FRMD3: variants seen among roughly 807,000 people sequenced by gnomAD.
FRMD3 encodes the protein FERM domain containing 3.
A neutral mutation model predicts 70.2 loss-of-function variants in FRMD3; 33 were observed. The ratio of observed to expected loss-of-function variants is 0.47; its 90% confidence interval spans 0.36 to 0.63. The LOEUF (loss-of-function observed/expected upper bound fraction) is 0.63. Ranked by LOEUF, FRMD3 falls within the 20% of genes least tolerant of loss-of-function variation. The probability of loss-of-function intolerance (pLI) is 0.00; values close to 1 mark genes in which losing one functional copy is unlikely to be tolerated. For synonymous variants in FRMD3, 279 were observed against 255.9 expected (o/e 1.09, Z -0.86); for missense variants, 632 against 711.4 (o/e 0.89, Z 1.27).
chr9:83,552,411 G>C, the FRMD3 span, among the ~76,000 whole-genome samples: 1 of 152,152 alleles, frequency 6.6e-6, no homozygotes, highest in Non-Finnish European at 1.5e-5. Context: ...CAATTTAAGA[G>C]TATGTGTCAT....
intron 1 of FRMD3, among the ~76,000 whole-genome samples, chr9:83,450,370 T>TTA (rs60674885): frequency 0.041 from 4,958 of 120,476 alleles, 123 homozygotes; most frequent in Non-Finnish European, 0.048. Context: ...TTTTTTTTTT[T>TTA]ATTATACTCT....
chr9:83,246,635 A>C lies in FRMD3; in HGVS notation c.*1283T>G. On this transcript the variant is annotated 3_prime_UTR_variant, in exon 14 of 14. Coordinates refer to ENST00000304195, the MANE Select transcript of FRMD3 (RefSeq NM_174938.6). ...GATCATGGACATGTATCAAAAAGCC[A>C]TTCATATTCTCTCTCTCTCTCTCTC... 3.6e-5 allele frequency: 35 copies of C among 958,918 alleles called. No individual in the cohort carries two copies. Among genetic ancestry groups the C allele is most frequent in the Non-Finnish European group, 4.3e-5 (35 of 815,832 alleles). The allele number at this position is 958,918 out of a possible 1,614,324, so 59.4% of individuals were successfully genotyped here.
intron 1 of FRMD3, among the ~76,000 whole-genome samples, chr9:83,394,053 C>G (rs1239355504): frequency 6.6e-6 from 1 of 151,340 alleles, no homozygotes; most frequent in East Asian, 2.0e-4. Context: ...CTGATCTAAA[C>G]TGTGCCACCA....
chr9:83,566,785 G>T, the FRMD3 span, among the ~76,000 whole-genome samples: 11 of 152,348 alleles, frequency 7.2e-5, no homozygotes, highest in East Asian at 1.9e-3. Context: ...CAAGAAGTGG[G>T]TTCCCATGGT....
intron 6 of FRMD3, among the ~76,000 whole-genome samples, chr9:83,323,626 A>C (rs967924201): frequency 1.2e-4 from 18 of 152,200 alleles, no homozygotes; most frequent in African/African-American, 4.3e-4. Context: ...CACCAGATGC[A>C]GTCCCCAGAC....
chr9:83,513,293 A>C (rs568268462), intron 1 of FRMD3, among the ~76,000 whole-genome samples: 3 of 152,346 alleles, frequency 2.0e-5, no homozygotes, highest in African/African-American at 7.2e-5. Flanking sequence ...TCTGGAAGGA[A>C]AAAGGAAATT....
chr9:83,250,288 C>A (rs969380526), intron 13 of FRMD3, among the ~76,000 whole-genome samples: 5 of 152,098 alleles, frequency 3.3e-5, no homozygotes, highest in Non-Finnish European at 7.3e-5. Context: ...ATCTTTGCAA[C>A]CTGCGGATCA....
intron 1 of FRMD3, among the ~76,000 whole-genome samples, chr9:83,418,560 T>C (rs1480269421): frequency 6.6e-6 from 1 of 152,118 alleles, no homozygotes; most frequent in Non-Finnish European, 1.5e-5. Flanking sequence ...GGAATGCAGA[T>C]TAAAACCACA....
chr9:83,250,655 A>G (rs7041467), intron 13 of FRMD3, among the ~76,000 whole-genome samples: 19,092 of 152,184 alleles, frequency 0.13, 3,926 homozygotes, highest in African/African-American at 0.43. Flanking sequence ...TAGTTGACTC[A>G]GTTGCTCCAG....
intron 3 of FRMD3, among the ~76,000 whole-genome samples, chr9:83,365,411 T>A (rs1314704307): frequency 6.6e-6 from 1 of 152,232 alleles, no homozygotes; most frequent in Admixed American, 6.5e-5. Context: ...TTTTACTTGT[T>A]ATTGTTACTG....
intron 1 of FRMD3, among the ~76,000 whole-genome samples, chr9:83,455,826 T>A (rs371629949): frequency 4.6e-5 from 7 of 152,204 alleles, no homozygotes; most frequent in African/African-American, 1.4e-4. Flanking sequence ...AAATATTGCA[T>A]AGATTATATA....
chr9:83,446,987 GTTTTTGTTTTGTTT>G (rs1161343667), intron 1 of FRMD3, among the ~76,000 whole-genome samples: 3 of 139,186 alleles, frequency 2.2e-5, no homozygotes, highest in African/African-American at 8.6e-5. Flanking sequence ...GCAGATCAGG[GTTTTTGTTTTGTTT>G]TGTTTTGTTT....
intron 1 of FRMD3, among the ~76,000 whole-genome samples, chr9:83,509,094 C>T (rs1016382675): frequency 6.6e-6 from 1 of 151,698 alleles, no homozygotes; most frequent in African/African-American, 2.4e-5. Context: ...TTTTTGCCTC[C>T]CTTCAGGAGA....
At chr9:83,399,586 T>C (rs1197690605) in intron 1 of FRMD3, among the ~76,000 whole-genome samples, 7 of 152,206 alleles carry the variant, frequency 4.6e-5, no homozygotes, top group Non-Finnish European at 1.0e-4. Flanking sequence ...TTGAATCTTT[T>C]CTATGATTTT....
At chr9:83,520,101 C>A (rs560305562) in intron 1 of FRMD3, among the ~76,000 whole-genome samples, 2 of 152,036 alleles carry the variant, frequency 1.3e-5, no homozygotes, top group African/African-American at 4.8e-5. Context: ...ATGTAACAAA[C>A]CTGCACGTTC....
chr9:83,394,215 T>G (rs557703617), intron 1 of FRMD3, among the ~76,000 whole-genome samples: 3 of 152,272 alleles, frequency 2.0e-5, no homozygotes, highest in Non-Finnish European at 4.4e-5. Context: ...TCATCTTCCC[T>G]CAGGGTGGAA....
At chr9:83,355,098 G>T (rs1397616675) in intron 3 of FRMD3, among the ~76,000 whole-genome samples, 2 of 152,032 alleles carry the variant, frequency 1.3e-5, no homozygotes, top group South Asian at 4.2e-4. Flanking sequence ...TTACTCCCTG[G>T]GACATGTCCA....
chr9:83,389,732 C>G, intron 1 of FRMD3, 24 bp from the exon 2 acceptor site: 1 of 1,547,546 alleles, frequency 6.5e-7, no homozygotes, highest in Non-Finnish European at 8.9e-7. Flanking sequence ...ACATTTAAGT[C>G]TCAGCCAGAG....
Position 83,372,964 on chromosome 9 carries a change from GAA to G in FRMD3, c.253-11_253-10del, listed in dbSNP as rs57558822. The G allele has an allele frequency of 7.7e-3, 10,654 of 1,383,580 alleles. 85 individuals are homozygous for G. The highest frequency in any genetic ancestry group is 0.057 in the African/African-American group (3,851 of 68,044). 85.7% of individuals were successfully genotyped at this position (1,383,580 alleles called of 1,614,324 possible). On this transcript the variant is annotated splice_polypyrimidine_tract_variant and intron_variant, in intron 2 of 13. Coordinates refer to ENST00000304195, the MANE Select transcript of FRMD3 (RefSeq NM_174938.6). ...TTAGGTTCAAGCCAGTGCTAGGGAG[GAA>G]AAAAAAAAAAGCAGAGATCAGGGGT...
Sources: allele counts gnomAD v4.1 joint callset (sites outside exome capture counted in the v4.1 genomes callset), GRCh38; gene constraint gnomAD v4.1.1; transcripts MANE v1.5; gene names NCBI Gene and HGNC (gene_info 2026-07-23, HGNC 2026-07-21).